Variants in OXNAD1 observed in about 807,000 individuals in gnomAD.
OXNAD1 encodes the protein oxidoreductase NAD-binding domain-containing protein 1.
A neutral mutation model predicts 32.9 loss-of-function variants in OXNAD1; 34 were observed. The observed-to-expected ratio is 1.03, with a 90% confidence interval of 0.79 to 1.38. OXNAD1 has a LOEUF of 1.38. Ranked by LOEUF, OXNAD1 falls within the 40% of genes most tolerant of loss-of-function variation. The pLI, the probability that OXNAD1 is intolerant of heterozygous loss-of-function variation, is 0.00. For synonymous variants in OXNAD1, 134 were observed against 135.2 expected (o/e 0.99, Z 0.06); for missense variants, 407 against 379.4 (o/e 1.07, Z -0.60).
chr3:16,342,059 C>G (rs978384197), downstream of OXNAD1, among the ~76,000 whole-genome samples: 1 of 152,042 alleles, frequency 6.6e-6, no homozygotes, highest in Admixed American at 6.5e-5. This position sits in a 1 kb window ranked among gnomAD's most constrained non-coding sequence, Gnocchi z 4.0. Context: ...AATTGGATAT[C>G]TTAAAATTCA....
chr3:16,303,552 AGTG>A lies in OXNAD1; in HGVS notation c.935_937del (p.Trp312del), dbSNP rs771926362. 8.1e-6 allele frequency: 13 copies of A among 1,613,744 alleles called. No homozygotes were observed. Among genetic ancestry groups the A allele is most frequent in the South Asian group, 1.1e-5 (1 of 91,080 alleles). On this transcript the variant is annotated inframe_deletion, in exon 9 of 9. Transcript: ENST00000285083. The surrounding 1 kb of genome is among the most constrained non-coding windows in gnomAD (Gnocchi z 4.8). ...CCCAAAGAACACATTTGCTTTGAGAAGTGGTGGTAGGAGGCAGACAAAGGCAGA... is the reference window on the plus strand; with the variant it reads ...CCCAAAGAACACATTTGCTTTGAGAAGTGGTAGGAGGCAGACAAAGGCAGA...
At chr3:16,295,161 T>A (rs2066697055) in intron 6 of OXNAD1, among the ~76,000 whole-genome samples, 164 bp downstream of exon 6, 2 of 152,184 alleles carry the variant, frequency 1.3e-5, no homozygotes, top group Non-Finnish European at 2.9e-5. Flanking sequence ...ATGCATTAAG[T>A]ATGAGTCAGA....
chr3:16,313,769 C>T (rs2068135048), intron 9 of OXNAD1: 1 of 152,190 alleles, frequency 6.6e-6, no homozygotes, highest in Admixed American at 6.5e-5. Flanking sequence ...CCCAGCTGGG[C>T]TTTTCCACTA....
At chr3:16,281,254 G>T (rs2065718045) in intron 4 of OXNAD1, among the ~76,000 whole-genome samples, 1 of 152,158 alleles carries the variant, frequency 6.6e-6, no homozygotes, top group Non-Finnish European at 1.5e-5. Flanking sequence ...ATAATGAATT[G>T]TGCAGGGTAT....
chr3:16,326,612 T>C (rs182051157), intron 9 of OXNAD1, among the ~76,000 whole-genome samples: 115 of 152,298 alleles, frequency 7.6e-4, no homozygotes, highest in African/African-American at 2.7e-3. Flanking sequence ...TGGTTAAGAA[T>C]GTGAAATTCT....
rs1296329157 is a variant in OXNAD1 at position 16,345,265 on chromosome 3, TGTGTGTGTG to T, written c.*31-3910_*31-3902del. ...AACTGTAAGATAATAAGTAGGTGGT[TGTGTGTGTG>T]TGTGTGTGTGTGTGTGTGTGTGTGT... On this transcript the variant is annotated intron_variant, in intron 9 of 9. Coordinates refer to the OXNAD1 transcript ENST00000606098. This position sits in a 1 kb window ranked among gnomAD's most constrained non-coding sequence, Gnocchi z 5.2. 1 of 1,314 alleles carries T rather than the reference TGTGTGTGTG, an allele frequency of 7.6e-4. No homozygotes were observed. Among genetic ancestry groups the T allele is most frequent in the African/African-American group, 1.2e-3 (1 of 836 alleles). 0.1% of individuals were successfully genotyped at this position (1,314 alleles called of 1,614,324 possible).
At chr3:16,326,808 G>A in intron 9 of OXNAD1, 1 of 1,614,096 alleles carries the variant, frequency 6.2e-7, no homozygotes, top group Non-Finnish European at 8.5e-7. Flanking sequence ...GTAGCACACA[G>A]GTGAGCTGCC....
chr3:16,279,880 A>G (rs147401707), intron 4 of OXNAD1, among the ~76,000 whole-genome samples: 2 of 152,130 alleles, frequency 1.3e-5, no homozygotes, highest in Admixed American at 1.3e-4. Context: ...ACCATATGTA[A>G]CTCTTGAAAT....
In OXNAD1 at chr3:16,286,382, C is replaced by A; in HGVS notation, c.224C>A (p.Ser75Ter). Residue 75 changes from serine to a stop codon, truncating the protein, a stop_gained, in exon 5 of 9, where the codon TCA becomes TAA. Transcript: ENST00000285083. LOFTEE classifies it high-confidence loss of function. ...AAKVCGAASESPSVKSLRLLV... is the reference protein window; with the variant it reads ...AAKVCGAASE ...AAGGTGTGTGGAGCTGCCAGTGAGT[C>A]ACCGTCAGTGAAGAGCCTCCGCTTG... 1 of 1,613,960 alleles carries A rather than the reference C, an allele frequency of 6.2e-7. No homozygotes were observed. Among genetic ancestry groups the A allele is most frequent in the South Asian group, 1.1e-5 (1 of 91,068 alleles).
chr3:16,317,093 A>T lies in OXNAD1; in HGVS notation c.*30+13501A>T, dbSNP rs1276137723. On this transcript the variant is annotated intron_variant, in intron 9 of 9. Transcript: ENST00000435829. The surrounding 1 kb of genome is among the most constrained non-coding windows in gnomAD (Gnocchi z 4.3). ...CTGCTGTCCTGAAACACAGTTTCCC[A>T]TGTCTCCAGCTTTGGAAGACTGGTC... 11 of 1,613,744 alleles carry T rather than the reference A, an allele frequency of 6.8e-6. No individual in the cohort carries two copies. The highest frequency in any genetic ancestry group is 9.3e-6 in the Non-Finnish European group (11 of 1,179,990).
At chr3:16,347,263 C>T (rs1341121728) in intron 9 of OXNAD1, among the ~76,000 whole-genome samples, 1 of 152,210 alleles carries the variant, frequency 6.6e-6, no homozygotes, top group African/African-American at 2.4e-5. Context: ...TACAGGGCAA[C>T]CCTGGAGAGA....
At position 16,277,154 on chromosome 3, in the gene OXNAD1, C is replaced by T. The variant is rs901838578; in HGVS notation, c.183+5432C>T. On this transcript the variant is annotated intron_variant, in intron 4 of 8. Transcript: ENST00000285083. The surrounding 1 kb of genome is among the most constrained non-coding windows in gnomAD (Gnocchi z 4.3). Reference sequence around the variant, plus strand: ...GTGTTGGCCAGGCTTGTCTTGAACTCCTGACCTCATGATCTGCCCTCCTCG... The same window carrying T: ...GTGTTGGCCAGGCTTGTCTTGAACTTCTGACCTCATGATCTGCCCTCCTCG... Among the ~76,000 whole-genome samples, 1 of 152,034 alleles carries T rather than the reference C, an allele frequency of 6.6e-6. No individual in the cohort carries two copies. The highest frequency in any genetic ancestry group is 6.6e-5 in the Admixed American group (1 of 15,258).
At chr3:16,286,275 A>T (rs2066064093) in intron 4 of OXNAD1, 67 bp from the exon 5 acceptor site, 11 of 1,237,458 alleles carry the variant, frequency 8.9e-6, no homozygotes, top group Non-Finnish European at 1.3e-5. Flanking sequence ...AGTTCTCAGG[A>T]TGCCACCATT....
intron 2 of OXNAD1, among the ~76,000 whole-genome samples, chr3:16,269,777 A>C (rs974304428): frequency 6.6e-6 from 1 of 152,242 alleles, no homozygotes; most frequent in South Asian, 2.1e-4. Flanking sequence ...GCTAACAGCA[A>C]TTTATCACAA....
Position 16,301,741 on chromosome 3 carries a change from CT to C in OXNAD1, c.549del (p.Leu184CysfsTer24). The C allele has an allele frequency of 6.2e-7, 1 of 1,614,010 alleles. No homozygotes were observed. The highest frequency in any genetic ancestry group is 8.5e-7 in the Non-Finnish European group (1 of 1,179,986). On this transcript the variant is annotated frameshift_variant, in exon 7 of 9. Transcript: ENST00000285083. LOFTEE classifies it high-confidence loss of function. The surrounding 1 kb of genome is among the most constrained non-coding windows in gnomAD (Gnocchi z 4.1). Reference protein sequence around the residue: ...VLIAGGVGINPLLSILRHAAD... With the variant: ...VLIAGGVGINXLLSILRHAAD... ...ATTGCAGGAGGAGTCGGAATTAACC[CT>C]CTGCTTTCCATCCTGCGGCACGCAG...
At chr3:16,326,294 AC>A (rs2069680742) in intron 9 of OXNAD1, among the ~76,000 whole-genome samples, 1 of 152,238 alleles carries the variant, frequency 6.6e-6, no homozygotes, top group Admixed American at 6.5e-5. Flanking sequence ...GGAGCTGGTG[AC>A]CAGTGCTTGA....
Position 16,287,922 on chromosome 3 carries a change from C to T in OXNAD1, c.290+1474C>T, listed in dbSNP as rs1221949909. 1.3e-5 allele frequency among the ~76,000 whole-genome samples: 2 copies of T among 152,186 alleles called. No individual in the cohort carries two copies. The highest frequency in any genetic ancestry group is 2.9e-5 in the Non-Finnish European group (2 of 68,034). On this transcript the variant is annotated intron_variant, in intron 5 of 8. Transcript: ENST00000285083. The surrounding 1 kb of genome is among the most constrained non-coding windows in gnomAD (Gnocchi z 4.8). ...AATTTAGGCCTGGTTTTCGTATGTG[C>T]CTGTCAGACTTCTTCGGAGGTCGGA... is the stretch of plus-strand genomic sequence containing the variant.
In OXNAD1 at chr3:16,289,128, A is replaced by G. The variant is rs759638570; in HGVS notation, c.290+2680A>G. On this transcript the variant is annotated intron_variant, in intron 5 of 8. Transcript: ENST00000285083. This position sits in a 1 kb window ranked among gnomAD's most constrained non-coding sequence, Gnocchi z 4.9. ...ATTTAAAGTGTTTAGCATAATGCCT[A>G]CTGTTAACTTCATTTGTTTGATTTT... Among the ~76,000 whole-genome samples, 20 of 152,226 alleles carry G rather than the reference A, an allele frequency of 1.3e-4. No individual in the cohort carries two copies. Among genetic ancestry groups the G allele is most frequent in the Non-Finnish European group, 2.9e-4 (20 of 68,034 alleles).
chr3:16,328,424 G>A (rs535058058), intron 9 of OXNAD1, among the ~76,000 whole-genome samples: 42 of 152,326 alleles, frequency 2.8e-4, no homozygotes, highest in Admixed American at 2.4e-3. Flanking sequence ...TGGGCGAGTG[G>A]GATGGAAGGC....
Sources: gnomAD v4.1 joint callset for allele counts (sites outside exome capture counted in the v4.1 genomes callset) on GRCh38, gnomAD v4.1.1 for gene constraint, Gnocchi (gnomAD v3.1) non-coding constraint, MANE v1.5 for transcripts, NCBI Gene and HGNC (gene_info 2026-07-23, HGNC 2026-07-21) for gene names.